SEPTIN11: variants seen among roughly 807,000 people sequenced by gnomAD.
SEPTIN11 encodes the protein septin 11.
In SEPTIN11, 25 loss-of-function variants were observed where a neutral mutation model predicts 51.4. The ratio of observed to expected loss-of-function variants is 0.49; its 90% confidence interval spans 0.35 to 0.68. The LOEUF is 0.68. SEPTIN11 is among the 30% of genes least tolerant of loss of function. The probability of loss-of-function intolerance (pLI) is 0.00; values close to 1 mark genes in which losing one functional copy is unlikely to be tolerated. For synonymous variants in SEPTIN11, 174 were observed against 184.1 expected (o/e 0.95, Z 0.44); for missense variants, 381 against 520.8 (o/e 0.73, Z 2.61).
chr4:77,038,552 C>G lies in SEPTIN11; in HGVS notation c.*4040C>G. 1 of 987,888 alleles carries G rather than the reference C, an allele frequency of 1.0e-6. No individual in the cohort carries two copies. Among genetic ancestry groups the G allele is most frequent in the Non-Finnish European group, 1.2e-6 (1 of 831,292 alleles). 61.2% of individuals were successfully genotyped at this position (987,888 alleles called of 1,614,324 possible). A position where few individuals can be genotyped will look rare whatever the true frequency, so the allele number is the denominator to read the frequency against. Reference sequence around the variant, plus strand: ...GGTAGGAGAGTGGTGAACAGATAATCTATGCATATATCACTAGTGCCAAGA... The same window carrying G: ...GGTAGGAGAGTGGTGAACAGATAATGTATGCATATATCACTAGTGCCAAGA... On this transcript the variant is annotated 3_prime_UTR_variant, in exon 10 of 10. Transcript: ENST00000264893.
At chr4:76,998,061 C>T (rs1211200087) in intron 2 of SEPTIN11, among the ~76,000 whole-genome samples, 1 of 152,076 alleles carries the variant, frequency 6.6e-6, no homozygotes, top group Non-Finnish European at 1.5e-5. Flanking sequence ...TTAAATAAGA[C>T]AATTCAGATG....
At chr4:76,997,512 G>T (rs1377510579) in intron 2 of SEPTIN11, among the ~76,000 whole-genome samples, 1 of 152,140 alleles carries the variant, frequency 6.6e-6, no homozygotes, top group Non-Finnish European at 1.5e-5. Flanking sequence ...TGACTCTACT[G>T]CATGTAGCCT....
At chr4:77,016,643 TATATATATATATAC>T (rs1417708495) in intron 5 of SEPTIN11, among the ~76,000 whole-genome samples, 3 of 125,906 alleles carry the variant, frequency 2.4e-5, no homozygotes, top group Non-Finnish European at 5.0e-5. Context: ...CATATATATA[TATATATATATATAC>T]ACATATATAT....
At chr4:77,029,222 C>G (rs1406953644) in intron 8 of SEPTIN11, among the ~76,000 whole-genome samples, 1 of 152,204 alleles carries the variant, frequency 6.6e-6, no homozygotes, top group East Asian at 1.9e-4. Flanking sequence ...TCTGCCCTCA[C>G]GGGGCTTGCA....
intron 5 of SEPTIN11, among the ~76,000 whole-genome samples, chr4:77,016,462 A>G (rs1429597649): frequency 6.8e-6 from 1 of 148,116 alleles, no homozygotes; most frequent in East Asian, 2.0e-4. Flanking sequence ...TGCAACAATA[A>G]AAACAATAAT....
rs1721672309 is a variant in SEPTIN11, at chr4:76,958,754, A to G, written c.27+8824A>G. On this transcript the variant is annotated intron_variant, in intron 1 of 9. Transcript: ENST00000264893. ...GAATTAATGTTTTATTGTCACCCAG[A>G]TGGCAATTAGGTTTATAATCTTCAT... 8 of 625,474 alleles carry G rather than the reference A, an allele frequency of 1.3e-5. No individual in the cohort carries two copies. The East Asian group carries it at 2.1e-4, about 16-fold the overall frequency. The allele number at this position is 625,474 out of a possible 1,614,324, so 38.7% of individuals were successfully genotyped here.
At chr4:77,005,034 G>A (rs763335249) in intron 2 of SEPTIN11, among the ~76,000 whole-genome samples, 3 of 152,112 alleles carry the variant, frequency 2.0e-5, no homozygotes, top group Non-Finnish European at 4.4e-5. Context: ...TCTTGCCACC[G>A]GGGTTGGCAC....
chr4:77,036,701 C>T lies in SEPTIN11; in HGVS notation c.*2189C>T, dbSNP rs1560757097. 6.5e-7 allele frequency: 1 copy of T among 1,535,088 alleles called. No homozygotes were observed. The highest frequency in any genetic ancestry group is 1.7e-4 in the Middle Eastern group (1 of 5,980). On this transcript the variant is annotated 3_prime_UTR_variant, in exon 10 of 10. Transcript: ENST00000264893. ...TCTGAACTTTTTTCTGCCACTGCTC[C>T]CTAGCCCTGTTTAGTTTGTTATTGC...
At chr4:77,018,404 G>A (rs559019976) in intron 5 of SEPTIN11, among the ~76,000 whole-genome samples, 52 of 151,042 alleles carry the variant, frequency 3.4e-4, no homozygotes, top group Non-Finnish European at 5.6e-4. Flanking sequence ...AGCCGAGATC[G>A]CGCCACTGCA....
chr4:77,026,485 AGT>A (rs1271051247), intron 7 of SEPTIN11, among the ~76,000 whole-genome samples: 6 of 152,174 alleles, frequency 3.9e-5, no homozygotes, highest in African/African-American at 1.4e-4. Context: ...TATTTAGGGA[AGT>A]GTATGCAACA....
chr4:77,034,641 T>C lies in SEPTIN11; in HGVS notation c.*129T>C, dbSNP rs962968431. ...TTACCCTTCCTCAAACACCAGTAACTATTATTAACTCGTTTTGCTGAATGT... is the reference window on the plus strand; with the variant it reads ...TTACCCTTCCTCAAACACCAGTAACCATTATTAACTCGTTTTGCTGAATGT... On this transcript the variant is annotated 3_prime_UTR_variant, in exon 10 of 10. Transcript: ENST00000264893. The C allele has an allele frequency of 2.7e-5, 36 of 1,348,024 alleles. No individual in the cohort carries two copies. Among genetic ancestry groups the C allele is most frequent in the Middle Eastern group, 5.2e-4 (2 of 3,854 alleles). The allele number at this position is 1,348,024 out of a possible 1,614,324, so 83.5% of individuals were successfully genotyped here. A position where few individuals can be genotyped will look rare whatever the true frequency, so the allele number is the denominator to read the frequency against.
At chr4:76,959,796 G>T (rs1283236052) in intron 1 of SEPTIN11, among the ~76,000 whole-genome samples, 1 of 152,168 alleles carries the variant, frequency 6.6e-6, no homozygotes, top group African/African-American at 2.4e-5. Flanking sequence ...ACAGTTTTAA[G>T]GATGGGGATT....
At chr4:77,011,310 G>C (rs769501871) in intron 3 of SEPTIN11, among the ~76,000 whole-genome samples, 22 of 152,250 alleles carry the variant, frequency 1.4e-4, no homozygotes, top group Non-Finnish European at 2.6e-4. Flanking sequence ...GATTTTTGAG[G>C]CCCAGTTTTG....
At chr4:77,010,111 G>A (rs1724757837) in intron 3 of SEPTIN11, 1 of 151,962 alleles carries the variant, frequency 6.6e-6, no homozygotes, top group South Asian at 2.1e-4. Context: ...CCCTTTACAT[G>A]TATTGCATGT....
chr4:77,017,550 G>A (rs918083546), intron 5 of SEPTIN11, among the ~76,000 whole-genome samples: 3 of 152,066 alleles, frequency 2.0e-5, no homozygotes, highest in Non-Finnish European at 4.4e-5. Flanking sequence ...AAGATAATGT[G>A]CTTTCTTTCC....
intron 1 of SEPTIN11, among the ~76,000 whole-genome samples, chr4:76,972,137 C>G (rs987975551): frequency 2.6e-5 from 4 of 152,190 alleles, no homozygotes; most frequent in East Asian, 3.9e-4. Flanking sequence ...TACCTGCCCC[C>G]CTACTGCCCT....
In SEPTIN11 at chr4:77,026,703, G is replaced by A. The variant is rs151268339; in HGVS notation, c.954-1926G>A. ...CAAAGTTTCCATTGTTTGTTAGAAAGAAGAGGGAGATATATTCATTATTCT... is the reference window on the plus strand; with the variant it reads ...CAAAGTTTCCATTGTTTGTTAGAAAAAAGAGGGAGATATATTCATTATTCT... On this transcript the variant is annotated intron_variant, in intron 7 of 9. Coordinates refer to ENST00000264893, the MANE Select transcript of SEPTIN11 (RefSeq NM_018243.4). 7.3e-3 allele frequency among the ~76,000 whole-genome samples: 1,116 copies of A among 152,296 alleles called. 14 individuals carry two copies. Among genetic ancestry groups the A allele is most frequent in the African/African-American group, 0.025 (1,046 of 41,556 alleles).
Position 76,949,931 on chromosome 4 carries a change from G to A in SEPTIN11, c.27+1G>A. 6.6e-7 allele frequency: 1 copy of A among 1,520,336 alleles called. No homozygotes were observed. Among genetic ancestry groups the A allele is most frequent in the Non-Finnish European group, 8.8e-7 (1 of 1,141,310 alleles). The allele number at this position is 1,520,336 out of a possible 1,614,324, so 94.2% of individuals were successfully genotyped here. A position where few individuals can be genotyped will look rare whatever the true frequency, so the allele number is the denominator to read the frequency against. Reference sequence around the variant, plus strand: ...GGCCGTGGCCGTGGGGAGACCGTCTGTGAGTGCTGGGGCCTCGCCTGCTGC... The same window carrying A: ...GGCCGTGGCCGTGGGGAGACCGTCTATGAGTGCTGGGGCCTCGCCTGCTGC... On this transcript the variant is annotated splice_donor_variant, in intron 1 of 9. Coordinates refer to ENST00000264893, the MANE Select transcript of SEPTIN11 (RefSeq NM_018243.4). LOFTEE classifies it high-confidence loss of function.
At chr4:76,955,591 G>C (rs1721526332) in intron 1 of SEPTIN11, among the ~76,000 whole-genome samples, 1 of 152,170 alleles carries the variant, frequency 6.6e-6, no homozygotes, top group Non-Finnish European at 1.5e-5. Context: ...TCCACCCTTT[G>C]CCCATAACTT....
Sources: gnomAD v4.1 joint callset for allele counts (sites outside exome capture counted in the v4.1 genomes callset) on GRCh38, gnomAD v4.1.1 for gene constraint, MANE v1.5 for transcripts, NCBI Gene and HGNC (gene_info 2026-07-23, HGNC 2026-07-21) for gene names.